Variants in MAGI2 observed in about 807,000 individuals in gnomAD.
MAGI2 encodes membrane associated guanylate kinase, WW and PDZ domain containing 2.
In MAGI2, 35 loss-of-function variants were observed where a neutral mutation model predicts 133.3. The observed-to-expected ratio is 0.26, with a 90% CI of 0.20 to 0.35. The LOEUF (loss-of-function observed/expected upper bound fraction) is 0.35. Among genes scored for constraint, MAGI2 ranks in the 10% least tolerant of loss-of-function variants. MAGI2 has a pLI of 1.00. For missense variants in MAGI2, 1,636 were observed against 1,863.4 expected (o/e 0.88, Z 2.25); for synonymous variants, 729 against 710.6 (o/e 1.03, Z -0.41).
chr7:79,116,870 C>T (rs1819458332), intron 1 of MAGI2, among the ~76,000 whole-genome samples: 1 of 152,172 alleles, frequency 6.6e-6, no homozygotes, highest in South Asian at 2.1e-4. Context: ...TTGTAAGCTT[C>T]CTGAGGCCCT....
At chr7:78,709,223 A>G (rs552097684) in intron 2 of MAGI2, among the ~76,000 whole-genome samples, 1 of 151,970 alleles carries the variant, frequency 6.6e-6, no homozygotes, top group Admixed American at 6.6e-5. Context: ...TGGCCAGTGC[A>G]GCTTCATTTC....
intron 6 of MAGI2, among the ~76,000 whole-genome samples, chr7:78,387,705 T>C (rs901757213): frequency 2.6e-5 from 4 of 152,124 alleles, no homozygotes; most frequent in Non-Finnish European, 4.4e-5. Context: ...GGCGGGCAGA[T>C]TGCTTGAGCC....
intron 1 of MAGI2, among the ~76,000 whole-genome samples, chr7:79,292,693 T>G (rs1270530737): frequency 6.8e-6 from 1 of 147,506 alleles, no homozygotes; most frequent in Admixed American, 7.1e-5. Flanking sequence ...ATCTTTGTTC[T>G]TTTTCAGGAT....
chr7:78,687,844 C>A (rs578213520), intron 2 of MAGI2, among the ~76,000 whole-genome samples: 50 of 151,562 alleles, frequency 3.3e-4, no homozygotes, highest in African/African-American at 1.2e-3. Flanking sequence ...TTGGCATACA[C>A]CTGTAGTCCC....
intron 3 of MAGI2, among the ~76,000 whole-genome samples, chr7:78,574,515 T>A (rs1010184827): frequency 2.0e-5 from 3 of 152,258 alleles, no homozygotes; most frequent in Non-Finnish European, 4.4e-5. Context: ...ACTTCTATAA[T>A]TTTAGATACA....
chr7:78,276,307 A>G (rs540358766), intron 9 of MAGI2, among the ~76,000 whole-genome samples: 82 of 152,304 alleles, frequency 5.4e-4, no homozygotes, highest in African/African-American at 1.8e-3. Context: ...CTACTGTCAA[A>G]TGTCTTTAAT....
chr7:78,345,260 A>T (rs1291095777), intron 8 of MAGI2, among the ~76,000 whole-genome samples: 3 of 152,218 alleles, frequency 2.0e-5, no homozygotes. Context: ...CTTTACATTC[A>T]TTTAATTATG....
intron 2 of MAGI2, among the ~76,000 whole-genome samples, chr7:78,848,489 A>C (rs1448853216): frequency 6.6e-6 from 1 of 151,992 alleles, no homozygotes; most frequent in East Asian, 1.9e-4. Context: ...TTAAAGACTT[A>C]AATTAGATCA....
At chr7:78,700,269 C>T (rs1817930672) in intron 2 of MAGI2, among the ~76,000 whole-genome samples, 1 of 152,106 alleles carries the variant, frequency 6.6e-6, no homozygotes, top group South Asian at 2.1e-4. Context: ...GTTTTCCTCT[C>T]CAATCTGTGT....
chr7:79,157,489 T>G (rs887105703), intron 1 of MAGI2, among the ~76,000 whole-genome samples: 2 of 151,742 alleles, frequency 1.3e-5, no homozygotes, highest in Non-Finnish European at 2.9e-5. Flanking sequence ...CTATGGAGTC[T>G]TGCCTGTAAG....
chr7:78,631,191 C>T (rs1472243560), intron 2 of MAGI2, among the ~76,000 whole-genome samples: 1 of 152,176 alleles, frequency 6.6e-6, no homozygotes, highest in East Asian at 1.9e-4. Context: ...CTTCATCTTG[C>T]TCCCCTGTTC....
intron 1 of MAGI2, among the ~76,000 whole-genome samples, chr7:79,399,278 G>A (rs751404822): frequency 6.6e-6 from 1 of 151,590 alleles, no homozygotes; most frequent in Non-Finnish European, 1.5e-5. Flanking sequence ...ATTTTCAGTA[G>A]AGATGTGGTT....
At chr7:79,035,367 G>C (rs933805043) in intron 1 of MAGI2, among the ~76,000 whole-genome samples, 18 of 152,082 alleles carry the variant, frequency 1.2e-4, no homozygotes, top group Admixed American at 9.2e-4. Flanking sequence ...AGACTCAAAA[G>C]TGATTCATAC....
At chr7:79,311,768 C>G (rs973995381) in intron 1 of MAGI2, among the ~76,000 whole-genome samples, 2 of 152,148 alleles carry the variant, frequency 1.3e-5, no homozygotes, top group Non-Finnish European at 2.9e-5. Flanking sequence ...ATTGTAACCA[C>G]TTGCTCTCTT....
chr7:79,411,835 T>A (rs2129171820), intron 1 of MAGI2: 1 of 152,142 alleles, frequency 6.6e-6, no homozygotes, highest in Admixed American at 6.5e-5. Context: ...AAATGGTGTA[T>A]AAATACCTAT....
intron 6 of MAGI2, among the ~76,000 whole-genome samples, chr7:78,389,687 G>A (rs576518408): frequency 1.4e-5 from 2 of 143,660 alleles, no homozygotes; most frequent in South Asian, 2.3e-4. Flanking sequence ...TGGTGAGAGT[G>A]TTTGCTGTTT....
intron 9 of MAGI2, among the ~76,000 whole-genome samples, chr7:78,260,500 C>A (rs1223849204): frequency 2.0e-5 from 3 of 152,102 alleles, no homozygotes; most frequent in Non-Finnish European, 2.9e-5. Context: ...TCCTCTTTTG[C>A]AGAGCTACTG....
chr7:78,833,899 T>C (rs1791401515), intron 2 of MAGI2, among the ~76,000 whole-genome samples: 1 of 152,214 alleles, frequency 6.6e-6, no homozygotes, highest in Non-Finnish European at 1.5e-5. Context: ...TTTGATTATG[T>C]AGTATATAAT....
At chr7:78,683,600 C>T (rs1815935265) in intron 2 of MAGI2, among the ~76,000 whole-genome samples, 1 of 152,120 alleles carries the variant, frequency 6.6e-6, no homozygotes, top group African/African-American at 2.4e-5. Flanking sequence ...GATTCTACAT[C>T]CTGAAATCTT....
Sources: gnomAD v4.1 joint callset for allele counts (sites outside exome capture counted in the v4.1 genomes callset) on GRCh38, gnomAD v4.1.1 for gene constraint, MANE v1.5 for transcripts, NCBI Gene and HGNC (gene_info 2026-07-23, HGNC 2026-07-21) for gene names.